The following HEPHL1 variants were observed in gnomAD, a reference collection of about 807,000 sequenced individuals.
HEPHL1 encodes the protein ferroxidase HEPHL1.
In HEPHL1, 123 loss-of-function variants were observed where a neutral mutation model predicts 122.0. That is an observed-to-expected ratio of 1.01 (90% confidence interval 0.87 to 1.17). The LOEUF (loss-of-function observed/expected upper bound fraction) is 1.17, where lower values mean the gene tolerates loss of function less well. HEPHL1 is among the 50% of genes most tolerant of loss of function. HEPHL1 has a pLI of 0.00. For synonymous variants in HEPHL1, 527 were observed against 508.9 expected, an observed-to-expected ratio of 1.04 and a Z score of -0.48; for missense variants, 1,452 against 1,430.5, an observed-to-expected ratio of 1.01 and a Z score of -0.24.
At chr11:94,077,379 T>G (rs565291038) in intron 9 of HEPHL1, among the ~76,000 whole-genome samples, 1 of 152,260 alleles carries the variant, frequency 6.6e-6, no homozygotes, top group South Asian at 2.1e-4. Context: ...TTCTTTAAAT[T>G]TTTTTTATTT....
At chr11:94,089,228 G>A (rs1047510295) in intron 12 of HEPHL1, among the ~76,000 whole-genome samples, 1 of 152,208 alleles carries the variant, frequency 6.6e-6, no homozygotes, top group African/African-American at 2.4e-5. Flanking sequence ...TGTGCAGGGT[G>A]AAAAGGCTGA....
chr11:94,100,710 A>G (rs934876372), intron 13 of HEPHL1, among the ~76,000 whole-genome samples: 1 of 152,150 alleles, frequency 6.6e-6, no homozygotes, highest in Admixed American at 6.6e-5. Context: ...ATAATTTCAG[A>G]CTTATCAAAG....
At chr11:94,111,166 C>T in intron 18 of HEPHL1, 101 bp downstream of exon 18, 2 of 910,058 alleles carry the variant, frequency 2.2e-6, no homozygotes, top group Non-Finnish European at 3.3e-6. Context: ...CCTCAACAAG[C>T]TCAGAGTCAA....
At chr11:94,046,015 G>T (rs1945833009) in intron 2 of HEPHL1, 98 bp downstream of exon 2, 2 of 956,088 alleles carry the variant, frequency 2.1e-6, no homozygotes, top group Non-Finnish European at 3.0e-6. Flanking sequence ...TGATTACATG[G>T]ATATATTTAT....
In HEPHL1 at chr11:94,106,051, C is replaced by G; in HGVS notation, c.2966C>G (p.Thr989Arg). The G allele has an allele frequency of 6.2e-7, 1 of 1,601,014 alleles. No individual in the cohort carries two copies. Among genetic ancestry groups the G allele is most frequent in the Admixed American group, 1.7e-5 (1 of 59,868 alleles). ...CTCATAATGAACGAAGATACAATGA[C>G]AAACTGGTATTTGTTAGGGATAGGA... ...HGLIMNEDTM[T>R]NWYLLGIGSE... Residue 989 changes from threonine (T) to arginine (R), a missense_variant, in exon 17 of 20, where the codon ACA (threonine) becomes AGA (arginine). Thr to Arg is a moderately conservative substitution (Grantham distance 71, BLOSUM62 -1). Transcript: ENST00000315765.
At chr11:94,025,737 G>A (rs1054976230) in intron 1 of HEPHL1, among the ~76,000 whole-genome samples, 19 of 152,270 alleles carry the variant, frequency 1.2e-4, no homozygotes, top group East Asian at 9.7e-4. Context: ...CTGAAAGAAG[G>A]ACCAACTGAG....
At chr11:94,032,285 CCA>C (rs1945682427) in intron 1 of HEPHL1, among the ~76,000 whole-genome samples, 1 of 152,170 alleles carries the variant, frequency 6.6e-6, no homozygotes. Context: ...GGGGGATTCT[CCA>C]GCCTCCGAGG....
chr11:94,054,440 T>A (rs1252649579), intron 2 of HEPHL1, among the ~76,000 whole-genome samples: 2 of 152,184 alleles, frequency 1.3e-5, no homozygotes, highest in African/African-American at 2.4e-5. Flanking sequence ...GATTCTTCAA[T>A]CTACACTCAG....
At chr11:94,111,213 C>G in intron 18 of HEPHL1, 148 bp downstream of exon 18, 1 of 686,040 alleles carries the variant, frequency 1.5e-6, no homozygotes, top group Non-Finnish European at 2.4e-6. Context: ...TAACTATAAT[C>G]AAGTATGCTA....
chr11:94,035,313 G>A (rs1218667554), intron 1 of HEPHL1, among the ~76,000 whole-genome samples: 1 of 152,032 alleles, frequency 6.6e-6, no homozygotes, highest in South Asian at 2.1e-4. Flanking sequence ...GACTACAAAC[G>A]TACTTATTTA....
chr11:94,088,878 T>C lies in HEPHL1; in HGVS notation c.2204T>C (p.Phe735Ser). The change falls in exon 12 of 20, where the codon TTT (phenylalanine) becomes TCT (serine). Residue 735 changes from phenylalanine to serine, a missense_variant. Coordinates refer to ENST00000315765, the MANE Select transcript of HEPHL1 (RefSeq NM_001098672.2). ...SEQRYGMIRT[F>S]YIAAEEVEWD... ...CAGCGGTACGGGATGATAAGAACTT[T>C]TTACATCGCCGCTGAAGAAGTAGAA... 1.2e-6 allele frequency: 2 copies of C among 1,613,964 alleles called. No individual in the cohort carries two copies. Among genetic ancestry groups the C allele is most frequent in the African/African-American group, 2.7e-5 (2 of 75,024 alleles).
chr11:94,100,749 G>A (rs1281019706), intron 13 of HEPHL1, among the ~76,000 whole-genome samples: 1 of 152,112 alleles, frequency 6.6e-6, no homozygotes, highest in Non-Finnish European at 1.5e-5. Flanking sequence ...ACAACTGAAA[G>A]TCACCATATC....
rs756291743 is a variant in HEPHL1, at chr11:94,073,379, A to G, written c.1444A>G (p.Ser482Gly). 2 of 1,577,716 alleles carry G rather than the reference A, an allele frequency of 1.3e-6. No homozygotes were observed. Among genetic ancestry groups the G allele is most frequent in the East Asian group, 2.3e-5 (1 of 43,416 alleles). Residue 482 changes from serine (S) to glycine (G), a missense_variant, in exon 8 of 20, where the codon AGC becomes GGC. Transcript: ENST00000315765. ...TGCCAACAAAGCCGACAAGGTCTAT[A>G]GCATTTTACCCCATGGTGTGATCTA... ...TFANKADKVYSILPHGVIYDK... is the reference protein window; with the variant it reads ...TFANKADKVYGILPHGVIYDK...
chr11:94,096,902 T>C (rs936041285), intron 13 of HEPHL1, among the ~76,000 whole-genome samples: 48 of 152,328 alleles, frequency 3.2e-4, no homozygotes, highest in African/African-American at 1.1e-3. Flanking sequence ...ATTTGATTCT[T>C]CTCTCTCTTC....
chr11:94,106,769 C>T (rs1367947979), intron 17 of HEPHL1, among the ~76,000 whole-genome samples: 1 of 152,160 alleles, frequency 6.6e-6, no homozygotes, highest in African/African-American at 2.4e-5. Context: ...TTTCCTCACC[C>T]TTCCTTTTTT....
rs1946094495 is a variant in HEPHL1, at chr11:94,073,404, A to G, written c.1469A>G (p.Tyr490Cys). 1 of 1,559,610 alleles carries G rather than the reference A, an allele frequency of 6.4e-7. No individual in the cohort carries two copies. Among genetic ancestry groups the G allele is most frequent in the Non-Finnish European group, 8.7e-7 (1 of 1,150,646 alleles). Reference protein sequence around the residue: ...VYSILPHGVIYDKASDAAPNL... With the variant: ...VYSILPHGVICDKASDAAPNL... ...AGCATTTTACCCCATGGTGTGATCT[A>G]TGACAAGGCATCTGATGCAGCCCCA... The change falls in exon 8 of 20, where the codon TAT becomes TGT. Residue 490 changes from tyrosine (Y) to cysteine (C), a missense_variant. By Grantham distance (194) the Tyr-to-Cys change is radical. Transcript: ENST00000315765.
chr11:94,101,184 T>C lies in HEPHL1; in HGVS notation c.2435-11T>C. 1 of 1,613,604 alleles carries C rather than the reference T, an allele frequency of 6.2e-7. No individual in the cohort carries two copies. The highest frequency in any genetic ancestry group is 8.5e-7 in the Non-Finnish European group (1 of 1,179,636). ...AATAATAATGCACACAGGCCTGTGT[T>C]TTGCCTTTAGGCCCAATGATTCATG... On this transcript the variant is annotated splice_polypyrimidine_tract_variant and intron_variant, in intron 13 of 19. Transcript: ENST00000315765.
intron 10 of HEPHL1, 130 bp from the exon 11 acceptor site, chr11:94,085,847 A>G (rs972544485): frequency 2.5e-5 from 16 of 638,936 alleles, no homozygotes; most frequent in African/African-American, 7.3e-5. Flanking sequence ...AAGTGGATTC[A>G]CCATGTGGCT....
chr11:94,035,182 C>A (rs1340398333), intron 1 of HEPHL1, among the ~76,000 whole-genome samples: 1 of 152,200 alleles, frequency 6.6e-6, no homozygotes, highest in East Asian at 1.9e-4. Context: ...GCTCTTCCTT[C>A]TATTTGAGTA....
Sources: gnomAD v4.1 joint callset for allele counts (sites outside exome capture counted in the v4.1 genomes callset) on GRCh38, gnomAD v4.1.1 for gene constraint, MANE v1.5 for transcripts, NCBI Gene and HGNC (gene_info 2026-07-23, HGNC 2026-07-21) for gene names.